Variants in MYO18B observed in about 807,000 individuals in gnomAD.
MYO18B encodes unconventional myosin-XVIIIb.
Under a neutral mutation model 273.0 loss-of-function variants are expected in MYO18B, and 204 were observed. The observed-to-expected ratio is 0.75, with a 90% CI of 0.67 to 0.84. MYO18B has a LOEUF of 0.84. Among genes scored for constraint, MYO18B ranks in the 40% least tolerant of loss-of-function variants. The pLI is 0.00. For missense variants in MYO18B, 3,212 were observed against 3,287.6 expected, an observed-to-expected ratio of 0.98 and a Z score of 0.56; for synonymous variants, 1,330 against 1,305.7, an observed-to-expected ratio of 1.02 and a Z score of -0.40.
chr22:25,778,594 C>T (rs971939431), intron 8 of MYO18B, among the ~76,000 whole-genome samples: 1 of 152,074 alleles, frequency 6.6e-6, no homozygotes. Flanking sequence ...ATCCTCCCAC[C>T]TCAGCCTCCT....
chr22:26,052,808 G>GTT, the MYO18B span, among the ~76,000 whole-genome samples: 898 of 143,358 alleles, frequency 6.3e-3, 10 homozygotes, highest in African/African-American at 0.02. Context: ...TTTTTTTTTG[G>GTT]TTTTTTTTTT....
At chr22:25,921,227 T>C in intron 33 of MYO18B, 30 bp from the exon 34 acceptor site, 1 of 1,536,722 alleles carries the variant, frequency 6.5e-7, no homozygotes, top group South Asian at 1.2e-5. Flanking sequence ...CTTTGCCACC[T>C]AAGCTCATGG....
intron 13 of MYO18B, 126 bp from the exon 14 acceptor site, chr22:25,826,283 C>A: frequency 1.6e-6 from 1 of 636,342 alleles, no homozygotes; most frequent in Non-Finnish European, 2.7e-6. Context: ...ATAATTTTAG[C>A]AGTGGAGGGA....
chr22:25,888,649 TC>T (rs3216854), intron 25 of MYO18B, among the ~76,000 whole-genome samples: 75,521 of 151,986 alleles, frequency 0.5, 21,918 homozygotes, highest in African/African-American at 0.81. Context: ...AAGAGAAAGC[TC>T]CCATGCTGGA....
At chr22:25,794,645 C>T (rs1601715484) in intron 11 of MYO18B, among the ~76,000 whole-genome samples, 1 of 152,030 alleles carries the variant, frequency 6.6e-6, no homozygotes, top group Non-Finnish European at 1.5e-5. Flanking sequence ...GCTGGGACTA[C>T]AGGTGCCCGC....
In MYO18B at chr22:25,890,876, G is replaced by A; in HGVS notation, c.4434+1G>A. 1 of 1,613,190 alleles carries A rather than the reference G, an allele frequency of 6.2e-7. No homozygotes were observed. Among genetic ancestry groups the A allele is most frequent in the Non-Finnish European group, 8.5e-7 (1 of 1,179,670 alleles). ...CTTCCGGGAGGTCCAGGAGCTCAAG[G>A]TGAGTGGTCAGGGGTGGCCAGGGGT... On this transcript the variant is annotated splice_donor_variant, in intron 26 of 43. Coordinates refer to ENST00000335473, the MANE Select transcript of MYO18B (RefSeq NM_032608.7). LOFTEE classifies it high-confidence loss of function.
chr22:25,950,029 C>A (rs1315669176), intron 36 of MYO18B, among the ~76,000 whole-genome samples: 1 of 152,162 alleles, frequency 6.6e-6, no homozygotes, highest in African/African-American at 2.4e-5. Flanking sequence ...TCTAGAAGCT[C>A]AGTTAAATGA....
intron 29 of MYO18B, chr22:25,900,884 CA>C (rs1051814253): frequency 6.6e-6 from 1 of 152,210 alleles, no homozygotes; most frequent in Non-Finnish European, 1.5e-5. Context: ...TAGGGAAGCC[CA>C]AGTCCATTTC....
Position 25,908,431 on chromosome 22 carries a change from G to A in MYO18B, c.5258G>A (p.Arg1753Gln), listed in dbSNP as rs143397010. The A allele has an allele frequency of 1.0e-4, 165 of 1,579,742 alleles. No homozygotes were observed. The East Asian group carries it at 3.2e-3, about 31-fold the overall frequency. The stretch of plus-strand genomic sequence containing the variant: ...GATGTCCGTCAGTCCTGCCAGAAGC[G>A]GGTACGTGAGCAGTGAACACAGCTG... ...LEDVRQSCQKRLHQLEMQLEQ... is the reference protein window; with the variant it reads ...LEDVRQSCQKQLHQLEMQLEQ... The change falls in exon 32 of 44, where the codon CGG (arginine) becomes CAG (glutamine). Residue 1753 changes from arginine to glutamine, a missense_variant and splice_region_variant. Transcript: ENST00000335473.
chr22:25,977,618 G>A (rs2093105612), intron 39 of MYO18B, among the ~76,000 whole-genome samples: 1 of 152,158 alleles, frequency 6.6e-6, no homozygotes, highest in Non-Finnish European at 1.5e-5. Context: ...CAGAGCACAT[G>A]CCTGAGTGGA....
intron 4 of MYO18B, among the ~76,000 whole-genome samples, chr22:25,769,658 A>C (rs1012449318): frequency 4.6e-5 from 7 of 152,174 alleles, no homozygotes; most frequent in African/African-American, 7.2e-5. Context: ...GGAATTCCCC[A>C]CAGAGTGAGG....
chr22:25,922,019 G>T (rs1342654832), intron 34 of MYO18B, among the ~76,000 whole-genome samples: 6 of 152,222 alleles, frequency 3.9e-5, no homozygotes, highest in Non-Finnish European at 7.3e-5. Flanking sequence ...ACCACTGGCT[G>T]CTACCAGCTG....
intron 21 of MYO18B, among the ~76,000 whole-genome samples, chr22:25,855,111 C>T (rs1170441684): frequency 6.6e-6 from 1 of 152,074 alleles, no homozygotes; most frequent in Non-Finnish European, 1.5e-5. Flanking sequence ...CATCCTTCCC[C>T]TCCAACAGGC....
At chr22:25,771,150 C>T (rs1173072524) in intron 6 of MYO18B, among the ~76,000 whole-genome samples, 166 bp downstream of exon 6, 7 of 152,226 alleles carry the variant, frequency 4.6e-5, no homozygotes, top group Non-Finnish European at 7.3e-5. Flanking sequence ...CCCCACTGAA[C>T]TCATTGCTCT....
chr22:25,839,926 G>A (rs969577885), intron 17 of MYO18B, among the ~76,000 whole-genome samples: 8 of 152,184 alleles, frequency 5.3e-5, no homozygotes, highest in African/African-American at 1.9e-4. Context: ...GGGCTGTGGC[G>A]AGGATGGAGG....
chr22:25,876,062 C>A, intron 23 of MYO18B, 127 bp from the exon 24 acceptor site: 1 of 694,448 alleles, frequency 1.4e-6, no homozygotes, highest in East Asian at 3.1e-5. Flanking sequence ...TTTAAGGTAT[C>A]CAGTCCCTTC....
chr22:25,962,439 G>A (rs2146687352), intron 39 of MYO18B, among the ~76,000 whole-genome samples: 2 of 152,258 alleles, frequency 1.3e-5, no homozygotes, highest in South Asian at 4.2e-4. Context: ...AATTTTCTCA[G>A]CATTTTGAAG....
chr22:25,867,639 C>CTTTCTTTCT (rs1324297283), intron 21 of MYO18B, among the ~76,000 whole-genome samples: 5 of 151,672 alleles, frequency 3.3e-5, no homozygotes, highest in Non-Finnish European at 5.9e-5. Context: ...TTCTTTCTTT[C>CTTTCTTTCT]TTTTTTTTGA....
Position 25,846,625 on chromosome 22 carries a change from C to T in MYO18B, c.3552+342C>T, listed in dbSNP as rs555109201. Among the ~76,000 whole-genome samples the T allele has an allele frequency of 2.0e-5, 3 of 152,332 alleles. No individual in the cohort carries two copies. In the East Asian group the frequency reaches 5.8e-4, roughly 29 times the overall value. On this transcript the variant is annotated intron_variant, in intron 19 of 43. Coordinates refer to ENST00000335473, the MANE Select transcript of MYO18B (RefSeq NM_032608.7). ...GACTAGCCCTGTCTGCCTTGCTCAC[C>T]ACTAGGTTCCCCTGGGGCAAGGCGG...
Sources: gnomAD v4.1 joint callset for allele counts (sites outside exome capture counted in the v4.1 genomes callset) on GRCh38, gnomAD v4.1.1 for gene constraint, MANE v1.5 for transcripts, NCBI Gene and HGNC (gene_info 2026-07-23, HGNC 2026-07-21) for gene names.